The following NOVA1 variants were observed in gnomAD, a reference collection of about 807,000 sequenced individuals.
NOVA1 encodes NOVA alternative splicing regulator 1.
A neutral mutation model predicts 38.0 loss-of-function variants in NOVA1; 7 were observed. The ratio of observed to expected loss-of-function variants is 0.18; its 90% CI spans 0.10 to 0.35. The LOEUF is 0.35. Among genes scored for constraint, NOVA1 ranks in the 10% least tolerant of loss-of-function variants. The pLI, the probability that NOVA1 is intolerant of heterozygous loss-of-function variation, is 1.00. For synonymous variants in NOVA1, 270 were observed against 232.5 expected (o/e 1.16, Z -1.47); for missense variants, 460 against 616.0 (o/e 0.75, Z 2.68).
chr14:26,460,015 G>A (rs985869714), intron 4 of NOVA1, among the ~76,000 whole-genome samples: 3 of 151,818 alleles, frequency 2.0e-5, no homozygotes, highest in Middle Eastern at 6.9e-3. Flanking sequence ...TACTGATTAG[G>A]TGAATTATAT....
chr14:26,504,919 T>C (rs1269300702), intron 2 of NOVA1, among the ~76,000 whole-genome samples: 3 of 152,156 alleles, frequency 2.0e-5, no homozygotes, highest in Non-Finnish European at 4.4e-5. Context: ...ATTAATTTTT[T>C]GCACTCTCTC....
intron 2 of NOVA1, among the ~76,000 whole-genome samples, chr14:26,523,203 A>AT (rs1889031214): frequency 6.6e-6 from 1 of 152,128 alleles, no homozygotes; most frequent in Non-Finnish European, 1.5e-5. Flanking sequence ...TTGCAGCCTC[A>AT]TTTTTTATTT....
chr14:26,460,398 TGAA>T (rs1271094821), intron 4 of NOVA1, among the ~76,000 whole-genome samples: 1 of 151,976 alleles, frequency 6.6e-6, no homozygotes, highest in Non-Finnish European at 1.5e-5. Flanking sequence ...TATATATGGG[TGAA>T]ATAGTTCATT....
chr14:26,451,616 G>T (rs979043827), intron 4 of NOVA1, among the ~76,000 whole-genome samples: 1 of 152,012 alleles, frequency 6.6e-6, no homozygotes, highest in Admixed American at 6.6e-5. Flanking sequence ...CAGGTGATCC[G>T]CCTGCCTCGG....
Position 26,597,547 on chromosome 14 carries a change from A to C in NOVA1, c.-111T>G. 1 of 1,042,864 alleles carries C rather than the reference A, an allele frequency of 9.6e-7. No individual in the cohort carries two copies. Among genetic ancestry groups the C allele is most frequent in the Non-Finnish European group, 1.1e-6 (1 of 873,508 alleles). The allele number at this position is 1,042,864 out of a possible 1,614,324, so 64.6% of individuals were successfully genotyped here. The stretch of plus-strand genomic sequence containing the variant: ...TTTTTTTTGCGTTTGGGGTTTCTTA[A>C]GGTTTTTTTTTTTTAATCGGATCAA... On this transcript the variant is annotated 5_prime_UTR_variant, in exon 1 of 5. Coordinates refer to ENST00000539517, the MANE Select transcript of NOVA1 (RefSeq NM_002515.3).
At chr14:26,545,458 A>G (rs1890730561) in intron 2 of NOVA1, among the ~76,000 whole-genome samples, 1 of 152,112 alleles carries the variant, frequency 6.6e-6, no homozygotes. Flanking sequence ...AGACTACAGT[A>G]TCAATAAATC....
intron 3 of NOVA1, among the ~76,000 whole-genome samples, chr14:26,474,388 T>C (rs541358572): frequency 2.6e-5 from 4 of 152,174 alleles, no homozygotes; most frequent in African/African-American, 9.6e-5. Context: ...AAGAACCATG[T>C]AGAAAAAGTT....
intron 2 of NOVA1, among the ~76,000 whole-genome samples, chr14:26,537,088 T>C (rs759108015): frequency 6.6e-5 from 10 of 152,012 alleles, no homozygotes; most frequent in Non-Finnish European, 1.2e-4. Context: ...ATAACTTAAA[T>C]ACAATAATAT....
chr14:26,468,338 T>C (rs1884313428), intron 4 of NOVA1, among the ~76,000 whole-genome samples: 1 of 150,274 alleles, frequency 6.7e-6, no homozygotes, highest in Non-Finnish European at 1.5e-5. Flanking sequence ...TCACAAAAAT[T>C]GAATGCTGCC....
chr14:26,584,296 T>C (rs1414251278), intron 2 of NOVA1, among the ~76,000 whole-genome samples: 1 of 151,446 alleles, frequency 6.6e-6, no homozygotes, highest in Non-Finnish European at 1.5e-5. Context: ...TCTATTTCTA[T>C]TTCCTAAGCA....
At chr14:26,557,033 T>C (rs1255619652) in intron 2 of NOVA1, among the ~76,000 whole-genome samples, 1 of 152,138 alleles carries the variant, frequency 6.6e-6, no homozygotes, top group East Asian at 1.9e-4. Context: ...TGGCAGCCCA[T>C]ATTCCCATGG....
At chr14:26,468,447 G>A (rs893835925) in intron 4 of NOVA1, among the ~76,000 whole-genome samples, 6 of 152,158 alleles carry the variant, frequency 3.9e-5, no homozygotes, top group Admixed American at 2.0e-4. Context: ...ACAAGCAAAG[G>A]GCTCAGCCTG....
Position 26,597,635 on chromosome 14 carries a change from G to A in NOVA1, c.-199C>T, listed in dbSNP as rs1316353535. ...TTGTTCTCACTGGGGAGGGGGCAGGGCTGAGGAGCAGCTGCAGTGCAGTGT... is the reference window on the plus strand; with the variant it reads ...TTGTTCTCACTGGGGAGGGGGCAGGACTGAGGAGCAGCTGCAGTGCAGTGT... On this transcript the variant is annotated 5_prime_UTR_variant, in exon 1 of 5. Coordinates refer to ENST00000539517, the MANE Select transcript of NOVA1 (RefSeq NM_002515.3). The A allele has an allele frequency of 8.2e-7, 1 of 1,215,876 alleles. No individual in the cohort carries two copies. Among genetic ancestry groups the A allele is most frequent in the Non-Finnish European group, 1.0e-6 (1 of 979,798 alleles). 75.3% of individuals were successfully genotyped at this position (1,215,876 alleles called of 1,614,324 possible).
chr14:26,576,134 T>C (rs948988154), intron 2 of NOVA1, among the ~76,000 whole-genome samples: 3 of 151,804 alleles, frequency 2.0e-5, no homozygotes, highest in Admixed American at 6.6e-5. Flanking sequence ...TGGTTCAATA[T>C]ATACTTATCA....
intron 2 of NOVA1, among the ~76,000 whole-genome samples, chr14:26,545,487 G>T (rs543872982): frequency 6.6e-6 from 1 of 152,142 alleles, no homozygotes; most frequent in South Asian, 2.1e-4. Flanking sequence ...CAGTTTTCAA[G>T]GAAAGAAATG....
chr14:26,562,127 A>G (rs1891868595), intron 2 of NOVA1, among the ~76,000 whole-genome samples: 1 of 152,150 alleles, frequency 6.6e-6, no homozygotes, highest in Non-Finnish European at 1.5e-5. Context: ...TTAAGGTGTC[A>G]TATTAGTTTA....
At chr14:26,591,199 A>G (rs1261696404) in intron 2 of NOVA1, among the ~76,000 whole-genome samples, 3 of 151,724 alleles carry the variant, frequency 2.0e-5, no homozygotes, top group Non-Finnish European at 3.0e-5. Flanking sequence ...CAGAGATACT[A>G]ATGTTTAAGT....
intron 2 of NOVA1, among the ~76,000 whole-genome samples, chr14:26,503,647 A>G (rs554187443): frequency 9.2e-5 from 14 of 152,226 alleles, no homozygotes; most frequent in Admixed American, 6.5e-4. Context: ...AAAATTCACA[A>G]GCAAACAATT....
intron 3 of NOVA1, among the ~76,000 whole-genome samples, chr14:26,475,694 TAAC>T (rs1479542771): frequency 6.6e-6 from 1 of 152,190 alleles, no homozygotes; most frequent in African/African-American, 2.4e-5. Context: ...GAATAATTAT[TAAC>T]AATTTTAAAA....
Sources: allele counts gnomAD v4.1 joint callset (sites outside exome capture counted in the v4.1 genomes callset), GRCh38; gene constraint gnomAD v4.1.1; transcripts MANE v1.5; gene names NCBI Gene and HGNC (gene_info 2026-07-23, HGNC 2026-07-21).